Variants in ZC2HC1B observed in about 807,000 individuals in gnomAD.
ZC2HC1B encodes the protein zinc finger C2HC domain-containing protein 1B.
A neutral mutation model predicts 31.0 loss-of-function variants in ZC2HC1B; 36 were observed. That is an observed-to-expected ratio of 1.16 (90% confidence interval 0.89 to 1.54). ZC2HC1B has a LOEUF of 1.54. Ranked by LOEUF, ZC2HC1B falls within the 40% of genes most tolerant of loss-of-function variation. The pLI is 0.00. For synonymous variants in ZC2HC1B, 73 were observed against 88.0 expected, an observed-to-expected ratio of 0.83 and a Z score of 0.95; for missense variants, 260 against 268.6, an observed-to-expected ratio of 0.97 and a Z score of 0.22.
rs1777932859 is a variant in ZC2HC1B, at chr6:143,917,473, A to G, written c.598+14321A>G. Among the ~76,000 whole-genome samples, 1 of 152,156 alleles carries G rather than the reference A, an allele frequency of 6.6e-6. No homozygotes were observed. Among genetic ancestry groups the G allele is most frequent in the African/African-American group, 2.4e-5 (1 of 41,428 alleles). ...CATGGGGACTACATTTAACTTCCTAATGTTATCACATTCTCATTTGAATTT... is the reference window on the plus strand; with the variant it reads ...CATGGGGACTACATTTAACTTCCTAGTGTTATCACATTCTCATTTGAATTT... On this transcript the variant is annotated intron_variant, in intron 6 of 7. Transcript: ENST00000237275. This position sits in a 1 kb window ranked among gnomAD's most constrained non-coding sequence, Gnocchi z 4.1.
chr6:143,934,576 C>T lies in ZC2HC1B; in HGVS notation c.599-3073C>T, dbSNP rs903731394. On this transcript the variant is annotated intron_variant, in intron 6 of 7. Transcript: ENST00000237275. The surrounding 1 kb of genome is among the most constrained non-coding windows in gnomAD (Gnocchi z 4.6). ...GCATCTGGTGTAACAGTCACTTCTT[C>T]CAATTTTTGAATTGGCCTTCATAGG... 2.0e-5 allele frequency among the ~76,000 whole-genome samples: 3 copies of T among 152,188 alleles called. No homozygotes were observed. The highest frequency in any genetic ancestry group is 7.2e-5 in the African/African-American group (3 of 41,452).
intron 5 of ZC2HC1B, among the ~76,000 whole-genome samples, chr6:143,902,711 C>T (rs1051259527): frequency 6.6e-6 from 1 of 152,088 alleles, no homozygotes; most frequent in Non-Finnish European, 1.5e-5. Context: ...ATAAAATGTT[C>T]TTTAAATATA....
chr6:143,933,407 G>A lies in ZC2HC1B; in HGVS notation c.599-4242G>A, dbSNP rs946909335. Among the ~76,000 whole-genome samples, 2 of 152,114 alleles carry A rather than the reference G, an allele frequency of 1.3e-5. No homozygotes were observed. The highest frequency in any genetic ancestry group is 4.8e-5 in the African/African-American group (2 of 41,402). On this transcript the variant is annotated intron_variant, in intron 6 of 7. Transcript: ENST00000237275. The surrounding 1 kb of genome is among the most constrained non-coding windows in gnomAD (Gnocchi z 6.4). ...GGATGGGATCATAAAGCTCCCAAGAGTTTATGTCTTTTGTGATTCACTATT... is the reference window on the plus strand; with the variant it reads ...GGATGGGATCATAAAGCTCCCAAGAATTTATGTCTTTTGTGATTCACTATT...
Position 143,895,141 on chromosome 6 carries a change from T to C in ZC2HC1B, c.350-3411T>C, listed in dbSNP as rs1777649402. ...GCCCAGAATTCTCAGGCTTAAGTTCTAGAGAATTTATTTGTTTTTTGTTGT... is the reference window on the plus strand; with the variant it reads ...GCCCAGAATTCTCAGGCTTAAGTTCCAGAGAATTTATTTGTTTTTTGTTGT... On this transcript the variant is annotated intron_variant, in intron 4 of 7. Coordinates refer to ENST00000237275, the MANE Select transcript of ZC2HC1B (RefSeq NM_001013623.3). This position sits in a 1 kb window ranked among gnomAD's most constrained non-coding sequence, Gnocchi z 4.8. 6.6e-6 allele frequency among the ~76,000 whole-genome samples: 1 copy of C among 152,162 alleles called. No individual in the cohort carries two copies. Among genetic ancestry groups the C allele is most frequent in the South Asian group, 2.1e-4 (1 of 4,824 alleles).
In ZC2HC1B at chr6:143,921,755, C is replaced by A. The variant is rs1376879370; in HGVS notation, c.599-15894C>A. The stretch of plus-strand genomic sequence containing the variant: ...GACCAGCCTGGGCAACATAGCAAGA[C>A]CCTGTCTCTACAAGAAAAATTTAAA... On this transcript the variant is annotated intron_variant, in intron 6 of 7. Coordinates refer to ENST00000237275, the MANE Select transcript of ZC2HC1B (RefSeq NM_001013623.3). The surrounding 1 kb of genome is among the most constrained non-coding windows in gnomAD (Gnocchi z 6.1). Among the ~76,000 whole-genome samples, 1 of 152,108 alleles carries A rather than the reference C, an allele frequency of 6.6e-6. No individual in the cohort carries two copies. The highest frequency in any genetic ancestry group is 1.5e-5 in the Non-Finnish European group (1 of 68,032).
chr6:143,875,342 TC>T (rs1777393029), intron 1 of ZC2HC1B, among the ~76,000 whole-genome samples: 3 of 136,994 alleles, frequency 2.2e-5, no homozygotes, highest in Non-Finnish European at 4.9e-5. Flanking sequence ...CACTCCACCA[TC>T]ATTATGCCTT....
chr6:143,898,478 A>G (rs1777695499), intron 4 of ZC2HC1B, 74 bp from the exon 5 acceptor site: 2 of 1,488,250 alleles, frequency 1.3e-6, no homozygotes, highest in Non-Finnish European at 1.8e-6. Context: ...CATGTAGTTC[A>G]TTCTATAATT....
rs1777962501 is a variant in ZC2HC1B, at chr6:143,919,444, A to G, written c.598+16292A>G. Reference sequence around the variant, plus strand: ...GTCTAGTTTCCAAAAGGGAGAAAAGACAAAAATAAAAGGAGAGAAGGGCAC... The same window carrying G: ...GTCTAGTTTCCAAAAGGGAGAAAAGGCAAAAATAAAAGGAGAGAAGGGCAC... On this transcript the variant is annotated intron_variant, in intron 6 of 7. Transcript: ENST00000237275. 2.0e-5 allele frequency among the ~76,000 whole-genome samples: 3 copies of G among 152,292 alleles called. 1 individual carries two copies. The South Asian group carries it at 6.2e-4, about 32-fold the overall frequency.
intron 1 of ZC2HC1B, among the ~76,000 whole-genome samples, chr6:143,874,792 G>A (rs2128493314): frequency 6.6e-6 from 1 of 152,250 alleles, no homozygotes; most frequent in South Asian, 2.1e-4. Context: ...GAGTTTGGTG[G>A]AGACAGAACC....
rs1336789749 is a variant in ZC2HC1B at position 143,887,334 on chromosome 6, G to A, written c.349+513G>A. Among the ~76,000 whole-genome samples the A allele has an allele frequency of 2.0e-5, 3 of 152,124 alleles. No individual in the cohort carries two copies. Among genetic ancestry groups the A allele is most frequent in the Admixed American group, 1.3e-4 (2 of 15,260 alleles). ...CCACTGAAATTTGGCAATTGTTGAC[G>A]CTGTTGCCATAATTTCTCCTTTATC... On this transcript the variant is annotated intron_variant, in intron 4 of 7. Coordinates refer to ENST00000237275, the MANE Select transcript of ZC2HC1B (RefSeq NM_001013623.3). This position sits in a 1 kb window ranked among gnomAD's most constrained non-coding sequence, Gnocchi z 5.1.
intron 6 of ZC2HC1B, among the ~76,000 whole-genome samples, chr6:143,936,162 T>G (rs942219783): frequency 5.3e-5 from 8 of 152,204 alleles, no homozygotes; most frequent in Non-Finnish European, 8.8e-5. Context: ...ACAGCCTTAT[T>G]GATCCCAGAG....
intron 1 of ZC2HC1B, among the ~76,000 whole-genome samples, chr6:143,876,787 A>G (rs1777412431): frequency 6.6e-6 from 1 of 150,636 alleles, no homozygotes; most frequent in Non-Finnish European, 1.5e-5. Context: ...AGCATCCAGC[A>G]CAGGAGAAAG....
At chr6:143,889,525 G>A (rs1467020296) in intron 4 of ZC2HC1B, among the ~76,000 whole-genome samples, 1 of 151,932 alleles carries the variant, frequency 6.6e-6, no homozygotes, top group Non-Finnish European at 1.5e-5. Flanking sequence ...TCATAAAGCT[G>A]GAATGACTGT....
In ZC2HC1B at chr6:143,918,252, A is replaced by C. The variant is rs1446456194; in HGVS notation, c.598+15100A>C. 2.0e-5 allele frequency among the ~76,000 whole-genome samples: 3 copies of C among 152,136 alleles called. No homozygotes were observed. The highest frequency in any genetic ancestry group is 4.4e-5 in the Non-Finnish European group (3 of 68,042). On this transcript the variant is annotated intron_variant, in intron 6 of 7. Coordinates refer to ENST00000237275, the MANE Select transcript of ZC2HC1B (RefSeq NM_001013623.3). The surrounding 1 kb of genome is among the most constrained non-coding windows in gnomAD (Gnocchi z 4.1). Reference sequence around the variant, plus strand: ...TGGGCTCAAGCAATCCTCCTACCCCAGCCTCCTGAGTAGCTGAGACTAGAG... The same window carrying C: ...TGGGCTCAAGCAATCCTCCTACCCCCGCCTCCTGAGTAGCTGAGACTAGAG...
At position 143,921,900 on chromosome 6, in the gene ZC2HC1B, G is replaced by A. The variant is rs1312140009; in HGVS notation, c.599-15749G>A. On this transcript the variant is annotated intron_variant, in intron 6 of 7. Coordinates refer to ENST00000237275, the MANE Select transcript of ZC2HC1B (RefSeq NM_001013623.3). This position sits in a 1 kb window ranked among gnomAD's most constrained non-coding sequence, Gnocchi z 6.1. ...TGCAATGAGCTATGATCGTGCCACT[G>A]CACACCAGTCTGGGTGACAAAGTAA... 2.0e-5 allele frequency among the ~76,000 whole-genome samples: 3 copies of A among 152,192 alleles called. No individual in the cohort carries two copies. The highest frequency in any genetic ancestry group is 7.2e-5 in the African/African-American group (3 of 41,456).
At chr6:143,926,992 G>T (rs1778060756) in intron 6 of ZC2HC1B, among the ~76,000 whole-genome samples, 1 of 129,560 alleles carries the variant, frequency 7.7e-6, no homozygotes, top group Admixed American at 7.6e-5. Flanking sequence ...TAGAGACGGG[G>T]TTTCACCTTG....
At chr6:143,876,354 C>A (rs1194086070) in intron 1 of ZC2HC1B, among the ~76,000 whole-genome samples, 1 of 150,490 alleles carries the variant, frequency 6.6e-6, no homozygotes, top group Admixed American at 6.6e-5. Context: ...AACTCCTTGC[C>A]TCTCATGAGC....
chr6:143,915,731 C>G lies in ZC2HC1B; in HGVS notation c.598+12579C>G, dbSNP rs1247594555. ...GCAAAGAGACTGGTGGCATTTTGCC[C>G]CTGCCATAGAGATGTGTGGAACTTT... On this transcript the variant is annotated intron_variant, in intron 6 of 7. Coordinates refer to ENST00000237275, the MANE Select transcript of ZC2HC1B (RefSeq NM_001013623.3). The surrounding 1 kb of genome is among the most constrained non-coding windows in gnomAD (Gnocchi z 5.2). Among the ~76,000 whole-genome samples, 1 of 152,114 alleles carries G rather than the reference C, an allele frequency of 6.6e-6. No homozygotes were observed. Among genetic ancestry groups the G allele is most frequent in the Non-Finnish European group, 1.5e-5 (1 of 68,028 alleles).
rs1288757896 is a variant in ZC2HC1B at position 143,889,271 on chromosome 6, T to A, written c.349+2450T>A. Reference sequence around the variant, plus strand: ...AGTAGAGATAAAAAATGCAAAAAAATTCAATCCAAAGGGGGAAAAAGGCAC... The same window carrying A: ...AGTAGAGATAAAAAATGCAAAAAAAATCAATCCAAAGGGGGAAAAAGGCAC... On this transcript the variant is annotated intron_variant, in intron 4 of 7. Transcript: ENST00000237275. 4.6e-5 allele frequency among the ~76,000 whole-genome samples: 7 copies of A among 151,800 alleles called. No homozygotes were observed. In the East Asian group the frequency reaches 5.8e-4, roughly 13 times the overall value.
Sources: gnomAD v4.1 joint callset for allele counts (sites outside exome capture counted in the v4.1 genomes callset) on GRCh38, gnomAD v4.1.1 for gene constraint, Gnocchi (gnomAD v3.1) non-coding constraint, MANE v1.5 for transcripts, NCBI Gene and HGNC (gene_info 2026-07-23, HGNC 2026-07-21) for gene names.